Variants in MARK4 observed in about 807,000 individuals in gnomAD.
The protein encoded by MARK4 is MAP/microtubule affinity-regulating kinase 4.
In MARK4, 19 loss-of-function variants were observed where a neutral mutation model predicts 81.5. That is an observed-to-expected ratio of 0.23 (90% CI 0.16 to 0.34). The LOEUF (loss-of-function observed/expected upper bound fraction) is 0.34, where lower values mean the gene tolerates loss of function less well. MARK4 is among the 10% of genes least tolerant of loss of function. The pLI is 1.00. For synonymous variants in MARK4, 436 were observed against 439.0 expected (o/e 0.99, Z 0.08); for missense variants, 772 against 1,058.8 (o/e 0.73, Z 3.76).
intron 4 of MARK4, 48 bp from the exon 5 acceptor site, chr19:45,264,636 G>A (rs1448510743): frequency 6.3e-7 from 1 of 1,579,002 alleles, no homozygotes; most frequent in East Asian, 2.2e-5. Flanking sequence ...GACAGGTTAG[G>A]AGGGGCCCTT....
chr19:45,290,852 G>A (rs868146496), intron 13 of MARK4, among the ~76,000 whole-genome samples: 76 of 152,318 alleles, frequency 5.0e-4, no homozygotes, highest in African/African-American at 1.7e-3. Context: ...GCAGAGCCCG[G>A]GGTCAGTACA....
chr19:45,268,669 C>CA (rs1195086634), intron 7 of MARK4, among the ~76,000 whole-genome samples: 1 of 151,846 alleles, frequency 6.6e-6, no homozygotes, highest in Non-Finnish European at 1.5e-5. Context: ...CCCTTGAGCC[C>CA]AGGAGGTTGA....
At chr19:45,280,344 C>T (rs1970655007) in intron 10 of MARK4, 30 bp from the exon 11 acceptor site, 3 of 1,587,310 alleles carry the variant, frequency 1.9e-6, no homozygotes, top group Non-Finnish European at 2.6e-6. Flanking sequence ...TTCTGGGAGT[C>T]TGAAACTTCT....
intron 8 of MARK4, among the ~76,000 whole-genome samples, chr19:45,272,874 C>T (rs1373939958): frequency 3.3e-5 from 5 of 152,028 alleles, no homozygotes; most frequent in Admixed American, 3.3e-4. Context: ...GGCGACAGAG[C>T]GAGACTCTGT....
At chr19:45,298,340 G>T in intron 15 of MARK4, 1 of 1,069,076 alleles carries the variant, frequency 9.4e-7, no homozygotes, top group African/African-American at 1.6e-5. Flanking sequence ...CGTGGGGTCT[G>T]GTTGTTCATT....
At position 45,302,845 on chromosome 19, in the gene MARK4, T is replaced by A; in HGVS notation, c.*135T>A. On this transcript the variant is annotated 3_prime_UTR_variant, in exon 17 of 17. Coordinates refer to ENST00000262891, the MANE Select transcript of MARK4 (RefSeq NM_001199867.2). The surrounding 1 kb of genome is among the most constrained non-coding windows in gnomAD (Gnocchi z 4.9). ...CCTGAATTATATTTGGGGGCAAAGA[T>A]TGTCCCCTCTGCTGTTCTCTGGGGC... The A allele has an allele frequency of 7.4e-7, 1 of 1,348,394 alleles. No individual in the cohort carries two copies. Among genetic ancestry groups the A allele is most frequent in the Non-Finnish European group, 9.9e-7 (1 of 1,008,358 alleles). The allele number at this position is 1,348,394 out of a possible 1,614,324, so 83.5% of individuals were successfully genotyped here.
At chr19:45,298,096 C>T in intron 15 of MARK4, 142 bp downstream of exon 15, 1 of 1,592,212 alleles carries the variant, frequency 6.3e-7, no homozygotes, top group Non-Finnish European at 8.6e-7. Context: ...TCCTCCTCCT[C>T]CTTTCCTCCT....
intron 12 of MARK4, among the ~76,000 whole-genome samples, chr19:45,286,410 G>A (rs902083688): frequency 2.0e-5 from 3 of 148,080 alleles, no homozygotes; most frequent in African/African-American, 7.4e-5. Flanking sequence ...AAACAAACAT[G>A]TAAAGAGATA....
chr19:45,286,702 G>A (rs540415473), intron 12 of MARK4, among the ~76,000 whole-genome samples: 6 of 151,862 alleles, frequency 4.0e-5, no homozygotes, highest in Non-Finnish European at 5.9e-5. Flanking sequence ...AACAGAGTGA[G>A]ATCCTGTCTC....
chr19:45,259,912 C>A (rs1273315064), intron 2 of MARK4, among the ~76,000 whole-genome samples: 1 of 151,932 alleles, frequency 6.6e-6, no homozygotes, highest in East Asian at 1.9e-4. Flanking sequence ...CATGATGAAA[C>A]CCTGTCTCTA....
intron 2 of MARK4, among the ~76,000 whole-genome samples, chr19:45,262,025 A>G (rs1265177236): frequency 6.6e-6 from 1 of 152,196 alleles, no homozygotes; most frequent in African/African-American, 2.4e-5. Flanking sequence ...AAGCTGTTTT[A>G]AAAGTTGTGT....
chr19:45,284,153 T>TA (rs1970712641), intron 12 of MARK4, among the ~76,000 whole-genome samples: 1 of 151,512 alleles, frequency 6.6e-6, no homozygotes, highest in Non-Finnish European at 1.5e-5. Flanking sequence ...GAGCTGGAAT[T>TA]ACAAGCCACC....
Position 45,295,194 on chromosome 19 carries a change from C to CA in MARK4, c.1598+757dup, listed in dbSNP as rs778188519. ...GACACCCCGTCTCTACTAAAAATAC[C>CA]AAAAAAAAAAAAAAATTAGCTGGGT... On this transcript the variant is annotated intron_variant, in intron 14 of 16. Coordinates refer to ENST00000262891, the MANE Select transcript of MARK4 (RefSeq NM_001199867.2). Among the ~76,000 whole-genome samples the CA allele has an allele frequency of 4.6e-3, 615 of 134,156 alleles. 2 individuals are homozygous for CA. Among genetic ancestry groups the CA allele is most frequent in the East Asian group, 0.016 (74 of 4,590 alleles). 88.0% of individuals were successfully genotyped at this position (134,156 alleles called of 152,430 possible).
At chr19:45,278,682 C>A in intron 10 of MARK4, 67 bp downstream of exon 10, 1 of 1,145,526 alleles carries the variant, frequency 8.7e-7, no homozygotes, top group Non-Finnish European at 1.3e-6. Flanking sequence ...CGGCTCACTG[C>A]AACCTCCGCC....
At chr19:45,272,331 C>T (rs66974051) in intron 8 of MARK4, among the ~76,000 whole-genome samples, 31,570 of 152,028 alleles carry the variant, frequency 0.21, 3,851 homozygotes, top group Non-Finnish European at 0.29. Flanking sequence ...GACCCTGTCT[C>T]CAAAAAGAAA....
intron 2 of MARK4, among the ~76,000 whole-genome samples, chr19:45,262,231 G>A (rs765513032): frequency 3.7e-4 from 57 of 152,156 alleles, no homozygotes; most frequent in Non-Finnish European, 4.7e-4. Flanking sequence ...GGAGGCTGAG[G>A]TGGGAGGATC....
Position 45,294,372 on chromosome 19 carries a change from G to T in MARK4, c.1518G>T (p.Met506Ile). ...STPNNLPPSM[M>I]TRRNTYVCTE... ...AGAACAACCTCCCTCCTAGCATGATGACCCGCAGAAACACCTACGTTTGCA... is the reference window on the plus strand; with the variant it reads ...AGAACAACCTCCCTCCTAGCATGATTACCCGCAGAAACACCTACGTTTGCA... Residue 506 changes from methionine (M) to isoleucine (I), a missense_variant, in exon 14 of 17, where the codon ATG (methionine) becomes ATT (isoleucine). Around this residue, in one of 3 missense-constraint regions of MARK4, gnomAD observed 548 missense variants for 624.3 expected, o/e 0.88. Coordinates refer to ENST00000262891, the MANE Select transcript of MARK4 (RefSeq NM_001199867.2). The T allele has an allele frequency of 6.2e-7, 1 of 1,614,134 alleles. No individual in the cohort carries two copies. Among genetic ancestry groups the T allele is most frequent in the Non-Finnish European group, 8.5e-7 (1 of 1,180,024 alleles).
In MARK4 at chr19:45,304,505, G is replaced by A. The variant is rs1043593186; in HGVS notation, c.*1795G>A. On this transcript the variant is annotated 3_prime_UTR_variant, in exon 17 of 17. Coordinates refer to ENST00000262891, the MANE Select transcript of MARK4 (RefSeq NM_001199867.2). ...GAGCTTATTCACACAGCACCTTTGG[G>A]GCCAAAATGAATAAGCTGGACTTTC... 1 of 152,210 alleles carries A rather than the reference G, an allele frequency of 6.6e-6. No individual in the cohort carries two copies. Among genetic ancestry groups the A allele is most frequent in the African/African-American group, 2.4e-5 (1 of 41,444 alleles). The allele number at this position is 152,210 out of a possible 1,614,324, so 9.4% of individuals were successfully genotyped here. A position where few individuals can be genotyped will look rare whatever the true frequency, so the allele number is the denominator to read the frequency against.
Position 45,258,799 on chromosome 19 carries a change from A to G in MARK4, c.52-190A>G, listed in dbSNP as rs1471656101. On this transcript the variant is annotated intron_variant, in intron 1 of 16. Coordinates refer to ENST00000262891, the MANE Select transcript of MARK4 (RefSeq NM_001199867.2). ...GGGGCCCTGAATGTTGCAGATTTGG[A>G]GGACATGGGGGCTTTTGTTCCTGGA... 9 of 601,478 alleles carry G rather than the reference A, an allele frequency of 1.5e-5. No individual in the cohort carries two copies. The Admixed American group carries it at 2.9e-4, about 19-fold the overall frequency. The allele number at this position is 601,478 out of a possible 1,614,324, so 37.3% of individuals were successfully genotyped here.
Sources: gnomAD v4.1 joint callset for allele counts (sites outside exome capture counted in the v4.1 genomes callset) on GRCh38, gnomAD v4.1.1 for gene constraint, gnomAD v4.1.1 regional missense constraint, Gnocchi (gnomAD v3.1) non-coding constraint, MANE v1.5 for transcripts, NCBI Gene and HGNC (gene_info 2026-07-23, HGNC 2026-07-21) for gene names.